Variants in CLDN8 observed in about 807,000 individuals in gnomAD.
CLDN8 encodes the protein claudin 8.
Under a neutral mutation model 2.2 loss-of-function variants are expected in CLDN8, and 2 were observed. That is an observed-to-expected ratio of 0.90 (90% confidence interval 0.37 to 2.82). The LOEUF (loss-of-function observed/expected upper bound fraction) is 2.82, where lower values mean the gene tolerates loss of function less well. Among genes scored for constraint, CLDN8 ranks in the 30% most tolerant of loss-of-function variants. The pLI, the probability that CLDN8 is intolerant of heterozygous loss-of-function variation, is 0.10. For missense variants in CLDN8, 314 were observed against 280.5 expected (o/e 1.12, Z -0.85); for synonymous variants, 107 against 104.8 (o/e 1.02, Z -0.13).
At position 30,214,957 on chromosome 21, in the gene CLDN8, A is replaced by T; in HGVS notation, c.*291T>A. The T allele has an allele frequency of 2.9e-6, 1 of 343,946 alleles. No individual in the cohort carries two copies. The highest frequency in any genetic ancestry group is 5.4e-6 in the Non-Finnish European group (1 of 186,002). 21.3% of individuals were successfully genotyped at this position (343,946 alleles called of 1,614,324 possible). ...GTGGAGAAATTACAGTAGTAAAATA[A>T]TGCAGTCTTTAGCAATGTCATTTTG... On this transcript the variant is annotated 3_prime_UTR_variant, in exon 1 of 1. Transcript: ENST00000399899.
Position 30,215,035 on chromosome 21 carries a change from T to C in CLDN8, c.*213A>G. On this transcript the variant is annotated 3_prime_UTR_variant, in exon 1 of 1. Transcript: ENST00000399899. ...TGAACCACCTTAGAAAACAAATTAC[T>C]ATACTTTCTAGAACAATCAAAGCAT... 1 of 529,226 alleles carries C rather than the reference T, an allele frequency of 1.9e-6. No homozygotes were observed. The highest frequency in any genetic ancestry group is 3.3e-6 in the Non-Finnish European group (1 of 299,832). 32.8% of individuals were successfully genotyped at this position (529,226 alleles called of 1,614,324 possible). A position where few individuals can be genotyped will look rare whatever the true frequency, so the allele number is the denominator to read the frequency against.
rs146174025 is a variant in CLDN8 at position 30,215,537 on chromosome 21, C to A, written c.389G>T (p.Gly130Val). The A allele has an allele frequency of 1.7e-5, 27 of 1,613,916 alleles. No homozygotes were observed. Among genetic ancestry groups the A allele is most frequent in the Middle Eastern group, 1.6e-4 (1 of 6,084 alleles). The change falls in exon 1 of 1, where the codon GGC becomes GTC. Residue 130 changes from glycine (G) to valine (V), a missense_variant. By Grantham distance (109) the Gly-to-Val change is moderately radical. Transcript: ENST00000399899. ...LTAGIIFIIT[G>V]MVVLIPVSWV... ...GCTCACAGGGATGAGCACCACCATG[C>A]CCGTGATGATGAAGATGATTCCAGC... is the stretch of plus-strand genomic sequence containing the variant.
At position 30,214,283 on chromosome 21, in the gene CLDN8, T is replaced by G. The variant is rs968560491; in HGVS notation, c.*965A>C. 2 of 152,168 alleles carry G rather than the reference T, an allele frequency of 1.3e-5. No homozygotes were observed. The highest frequency in any genetic ancestry group is 2.9e-5 in the Non-Finnish European group (2 of 67,988). 9.4% of individuals were successfully genotyped at this position (152,168 alleles called of 1,614,324 possible). On this transcript the variant is annotated 3_prime_UTR_variant, in exon 1 of 1. Transcript: ENST00000399899. ...GAAGTTCTCAAAGGACAACTTTTTT[T>G]GTTGTTGTTTTTTTGGTAAGCAAAT...
rs1439160204 is a variant in CLDN8, at chr21:30,215,038, A to G, written c.*210T>C. ...ACCACCTTAGAAAACAAATTACTATACTTTCTAGAACAATCAAAGCATTGG... is the reference window on the plus strand; with the variant it reads ...ACCACCTTAGAAAACAAATTACTATGCTTTCTAGAACAATCAAAGCATTGG... On this transcript the variant is annotated 3_prime_UTR_variant, in exon 1 of 1. Transcript: ENST00000399899. 5.6e-6 allele frequency: 3 copies of G among 532,988 alleles called. No homozygotes were observed. Among genetic ancestry groups the G allele is most frequent in the Admixed American group, 3.4e-5 (1 of 29,424 alleles). 33.0% of individuals were successfully genotyped at this position (532,988 alleles called of 1,614,324 possible).
rs1035348344 is a variant in CLDN8, at chr21:30,214,401, T to C, written c.*847A>G. On this transcript the variant is annotated 3_prime_UTR_variant, in exon 1 of 1. Coordinates refer to ENST00000399899, the MANE Select transcript of CLDN8 (RefSeq NM_199328.3). The stretch of plus-strand genomic sequence containing the variant: ...ACTTATTAAAATATATCCATACATA[T>C]ATGATTTCTTGTCAAAATGCATCAT... The C allele has an allele frequency of 2.0e-5, 3 of 152,162 alleles. No individual in the cohort carries two copies. Among genetic ancestry groups the C allele is most frequent in the African/African-American group, 7.2e-5 (3 of 41,460 alleles). 9.4% of individuals were successfully genotyped at this position (152,162 alleles called of 1,614,324 possible).
At position 30,214,945 on chromosome 21, in the gene CLDN8, A is replaced by G. The variant is rs992438671; in HGVS notation, c.*303T>C. On this transcript the variant is annotated 3_prime_UTR_variant, in exon 1 of 1. Transcript: ENST00000399899. Reference sequence around the variant, plus strand: ...TAATGCTATGTCGTGGAGAAATTACAGTAGTAAAATAATGCAGTCTTTAGC... The same window carrying G: ...TAATGCTATGTCGTGGAGAAATTACGGTAGTAAAATAATGCAGTCTTTAGC... 5 of 312,064 alleles carry G rather than the reference A, an allele frequency of 1.6e-5. No individual in the cohort carries two copies. The highest frequency in any genetic ancestry group is 2.4e-5 in the Non-Finnish European group (4 of 166,068). The allele number at this position is 312,064 out of a possible 1,614,324, so 19.3% of individuals were successfully genotyped here. A position where few individuals can be genotyped will look rare whatever the true frequency, so the allele number is the denominator to read the frequency against.
In CLDN8 at chr21:30,215,463, C is replaced by T. The variant is rs747030038; in HGVS notation, c.463G>A (p.Val155Ile). ...IRDFYNSIVN[V>I]AQKRELGEAL... ...TCTCCAAGCTCACGTTTTTGGGCAA[C>T]ATTCACTATTGAGTTATAGAAATCT... The change falls in exon 1 of 1, where the codon GTT (valine) becomes ATT (isoleucine). Residue 155 changes from valine (V) to isoleucine (I), a missense_variant. Coordinates refer to ENST00000399899, the MANE Select transcript of CLDN8 (RefSeq NM_199328.3). 17 of 1,613,938 alleles carry T rather than the reference C, an allele frequency of 1.1e-5. No individual in the cohort carries two copies.
Position 30,216,000 on chromosome 21 carries a change from C to A in CLDN8, c.-75G>T. 2 of 1,326,076 alleles carry A rather than the reference C, an allele frequency of 1.5e-6. No homozygotes were observed. Among genetic ancestry groups the A allele is most frequent in the Admixed American group, 4.7e-5 (2 of 42,346 alleles). The allele number at this position is 1,326,076 out of a possible 1,614,324, so 82.1% of individuals were successfully genotyped here. On this transcript the variant is annotated 5_prime_UTR_variant, in exon 1 of 1. Transcript: ENST00000399899. The stretch of plus-strand genomic sequence containing the variant: ...TGCTTTGAAGCAGGGTTCTCTGTGC[C>A]ACAGAAGAGAACAGTTTTTCCTGTA...
rs761949265 is a variant in CLDN8, at chr21:30,215,601, C to A, written c.325G>T (p.Gly109Trp). Residue 109 changes from glycine (G) to tryptophan (W), a missense_variant, in exon 1 of 1, where the codon GGG becomes TGG. Coordinates refer to ENST00000399899, the MANE Select transcript of CLDN8 (RefSeq NM_199328.3). ...ILGMKCTRCT[G>W]DNEKVKAHIL... ...TGAGCCTTCACCTTCTCATTGTCCC[C>A]CGTGCACCTGGTGCATTTCATGCCA... 1 of 1,614,106 alleles carries A rather than the reference C, an allele frequency of 6.2e-7. No individual in the cohort carries two copies. The highest frequency in any genetic ancestry group is 1.1e-5 in the South Asian group (1 of 91,076).
rs909238822 is a variant in CLDN8 at position 30,214,820 on chromosome 21, G to T, written c.*428C>A. ...GATTTCCCTGAAAAGCAATAGTTGA[G>T]TTCTATTTATTCAGTGTAATGGACT... On this transcript the variant is annotated 3_prime_UTR_variant, in exon 1 of 1. Coordinates refer to ENST00000399899, the MANE Select transcript of CLDN8 (RefSeq NM_199328.3). 1 of 156,996 alleles carries T rather than the reference G, an allele frequency of 6.4e-6. No homozygotes were observed. Among genetic ancestry groups the T allele is most frequent in the African/African-American group, 2.4e-5 (1 of 41,470 alleles). The allele number at this position is 156,996 out of a possible 1,614,324, so 9.7% of individuals were successfully genotyped here. A position where few individuals can be genotyped will look rare whatever the true frequency, so the allele number is the denominator to read the frequency against.
rs895580982 is a variant in CLDN8 at position 30,214,389 on chromosome 21, T to C, written c.*859A>G. 1.3e-5 allele frequency: 2 copies of C among 152,156 alleles called. No individual in the cohort carries two copies. The highest frequency in any genetic ancestry group is 6.5e-5 in the Admixed American group (1 of 15,278). The allele number at this position is 152,156 out of a possible 1,614,324, so 9.4% of individuals were successfully genotyped here. A position where few individuals can be genotyped will look rare whatever the true frequency, so the allele number is the denominator to read the frequency against. On this transcript the variant is annotated 3_prime_UTR_variant, in exon 1 of 1. Coordinates refer to ENST00000399899, the MANE Select transcript of CLDN8 (RefSeq NM_199328.3). ...CTGTACTCAAATACTTATTAAAATA[T>C]ATCCATACATATATGATTTCTTGTC...
At position 30,215,115 on chromosome 21, in the gene CLDN8, G is replaced by A; in HGVS notation, c.*133C>T. On this transcript the variant is annotated 3_prime_UTR_variant, in exon 1 of 1. Transcript: ENST00000399899. Reference sequence around the variant, plus strand: ...GCTTATAGAATCATAAATAGCTGATGCACAGTTCCTGTAATTAAGATTAGG... The same window carrying A: ...GCTTATAGAATCATAAATAGCTGATACACAGTTCCTGTAATTAAGATTAGG... 1.5e-6 allele frequency: 1 copy of A among 679,938 alleles called. No homozygotes were observed. The highest frequency in any genetic ancestry group is 2.5e-6 in the Non-Finnish European group (1 of 397,978). 42.1% of individuals were successfully genotyped at this position (679,938 alleles called of 1,614,324 possible).
Position 30,214,279 on chromosome 21 carries a change from T to C in CLDN8, c.*969A>G, listed in dbSNP as rs1483275065. On this transcript the variant is annotated 3_prime_UTR_variant, in exon 1 of 1. Coordinates refer to ENST00000399899, the MANE Select transcript of CLDN8 (RefSeq NM_199328.3). ...AGGTGAAGTTCTCAAAGGACAACTT[T>C]TTTTGTTGTTGTTTTTTTGGTAAGC... The C allele has an allele frequency of 6.6e-6, 1 of 152,072 alleles. No homozygotes were observed. Among genetic ancestry groups the C allele is most frequent in the Non-Finnish European group, 1.5e-5 (1 of 67,956 alleles). The allele number at this position is 152,072 out of a possible 1,614,324, so 9.4% of individuals were successfully genotyped here. A position where few individuals can be genotyped will look rare whatever the true frequency, so the allele number is the denominator to read the frequency against.
Position 30,215,742 on chromosome 21 carries a change from T to A in CLDN8, c.184A>T (p.Met62Leu). The change falls in exon 1 of 1, where the codon ATG becomes TTG. Residue 62 changes from methionine to leucine, a missense_variant. Met to Leu is a conservative substitution (Grantham distance 15). Transcript: ENST00000399899. ...MNCVRQANIR[M>L]QCKIYDSLLA... The stretch of plus-strand genomic sequence containing the variant: ...AGGGAATCATAGATTTTGCACTGCA[T>A]CCTGATGTTAGCCTGCCTCACGCAA... 1 of 1,614,126 alleles carries A rather than the reference T, an allele frequency of 6.2e-7. No individual in the cohort carries two copies.
Position 30,215,772 on chromosome 21 carries a change from T to G in CLDN8, c.154A>C (p.Met52Leu). 2 of 1,614,086 alleles carry G rather than the reference T, an allele frequency of 1.2e-6. No individual in the cohort carries two copies. Among genetic ancestry groups the G allele is most frequent in the South Asian group, 2.2e-5 (2 of 91,070 alleles). ...VFENFWEGLW[M>L]NCVRQANIRM... ...ATGTTAGCCTGCCTCACGCAATTCA[T>G]CCACAGTCCTTCCCAGAAGTTTTCA... The change falls in exon 1 of 1, where the codon ATG becomes CTG. Residue 52 changes from methionine to leucine, a missense_variant. By Grantham distance (15) the Met-to-Leu change is conservative. Transcript: ENST00000399899.
At position 30,215,366 on chromosome 21, in the gene CLDN8, C is replaced by CA. The variant is rs762312465; in HGVS notation, c.559dup (p.Cys187LeufsTer8). 49 of 1,613,990 alleles carry CA rather than the reference C, an allele frequency of 3.0e-5. No individual in the cohort carries two copies. Among genetic ancestry groups the CA allele is most frequent in the Middle Eastern group, 1.6e-4 (1 of 6,084 alleles). ...GTAGCTACTGCTCTTTTCGTTGCAA[C>CA]AAAAAACGCAGCAGAACAGAGCTCC... is the stretch of plus-strand genomic sequence containing the variant. On this transcript the variant is annotated frameshift_variant, in exon 1 of 1. Coordinates refer to ENST00000399899, the MANE Select transcript of CLDN8 (RefSeq NM_199328.3). LOFTEE classifies it low-confidence loss of function (END_TRUNC).
chr21:30,215,577 G>C lies in CLDN8; in HGVS notation c.349C>G (p.His117Asp), dbSNP rs769250676. The C allele has an allele frequency of 6.2e-7, 1 of 1,614,034 alleles. No individual in the cohort carries two copies. Among genetic ancestry groups the C allele is most frequent in the Non-Finnish European group, 8.5e-7 (1 of 1,179,996 alleles). The change falls in exon 1 of 1, where the codon CAC becomes GAC. Residue 117 changes from histidine to aspartate, a missense_variant. By Grantham distance (81) the His-to-Asp change is moderately conservative. Coordinates refer to ENST00000399899, the MANE Select transcript of CLDN8 (RefSeq NM_199328.3). ...ATGATTCCAGCCGTCAGCAGAATGT[G>C]AGCCTTCACCTTCTCATTGTCCCCC... Reference protein sequence around the residue: ...CTGDNEKVKAHILLTAGIIFI... With the variant: ...CTGDNEKVKADILLTAGIIFI...
Position 30,214,519 on chromosome 21 carries a change from C to T in CLDN8, c.*729G>A, listed in dbSNP as rs1160620457. On this transcript the variant is annotated 3_prime_UTR_variant, in exon 1 of 1. Coordinates refer to ENST00000399899, the MANE Select transcript of CLDN8 (RefSeq NM_199328.3). ...CTTTTATCTTTCTTCTGAGTATAGC[C>T]CTGGAAAAGCAGTTTGAATGCAAAG... 2.6e-5 allele frequency: 4 copies of T among 151,870 alleles called. No individual in the cohort carries two copies. Among genetic ancestry groups the T allele is most frequent in the South Asian group, 4.2e-4 (2 of 4,794 alleles). 9.4% of individuals were successfully genotyped at this position (151,870 alleles called of 1,614,324 possible).
At position 30,215,274 on chromosome 21, in the gene CLDN8, C is replaced by A; in HGVS notation, c.652G>T (p.Val218Phe). ...TACACATACTGACTTCTGGAGTAGA[C>A]GCTCGGTGACTTCTTTCCGGTGTGA... ...SYHTGKKSPS[V>F]YSRSQYV Residue 218 changes from valine (V) to phenylalanine (F), a missense_variant, in exon 1 of 1, where the codon GTC (valine) becomes TTC (phenylalanine). By Grantham distance (50) the Val-to-Phe change is conservative. Transcript: ENST00000399899. 6.2e-7 allele frequency: 1 copy of A among 1,612,726 alleles called. No individual in the cohort carries two copies. Among genetic ancestry groups the A allele is most frequent in the Non-Finnish European group, 8.5e-7 (1 of 1,179,370 alleles).
Sources: allele counts gnomAD v4.1 joint callset, GRCh38; gene constraint gnomAD v4.1.1; transcripts MANE v1.5; gene names NCBI Gene and HGNC (gene_info 2026-07-23, HGNC 2026-07-21).